FREM1: variants seen among roughly 807,000 people sequenced by gnomAD.
The protein encoded by FREM1 is FRAS1 related extracellular matrix 1.
FREM1 carries 220 observed loss-of-function variants against 210.1 expected under a neutral mutation model. The observed-to-expected ratio is 1.05, with a 90% CI of 0.94 to 1.17. The LOEUF (loss-of-function observed/expected upper bound fraction) is 1.17. Ranked by LOEUF, FREM1 falls within the 50% of genes most tolerant of loss-of-function variation. FREM1 has a pLI of 0.00. For missense variants in FREM1, 3,454 were observed against 2,675.5 expected (o/e 1.29, Z -6.42); for synonymous variants, 1,189 against 980.2 (o/e 1.21, Z -3.98).
intron 28 of FREM1, among the ~76,000 whole-genome samples, chr9:14,759,319 G>C (rs1191610880): frequency 6.6e-6 from 1 of 152,130 alleles, no homozygotes; most frequent in East Asian, 1.9e-4. Flanking sequence ...AGACCAGCCT[G>C]GCCAACATGG....
At chr9:14,892,777 G>A (rs1188587834) in intron 1 of FREM1, among the ~76,000 whole-genome samples, 1 of 152,100 alleles carries the variant, frequency 6.6e-6, no homozygotes, top group Non-Finnish European at 1.5e-5. Context: ...CAATGGGTGG[G>A]TCTTTCTCTG....
At chr9:14,780,664 C>G (rs1849518941) in intron 24 of FREM1, among the ~76,000 whole-genome samples, 1 of 152,088 alleles carries the variant, frequency 6.6e-6, no homozygotes, top group Non-Finnish European at 1.5e-5. Flanking sequence ...TTAAACTCCC[C>G]CATTTAATTA....
intron 26 of FREM1, 64 bp downstream of exon 26, chr9:14,770,541 C>G (rs1847347214): frequency 7.9e-6 from 10 of 1,261,170 alleles, no homozygotes; most frequent in Non-Finnish European, 1.2e-5. Flanking sequence ...TTAAATTACT[C>G]TCTAGCCCTG....
chr9:14,828,639 G>C (rs932051706), intron 10 of FREM1, among the ~76,000 whole-genome samples: 3 of 104,848 alleles, frequency 2.9e-5, no homozygotes, highest in Non-Finnish European at 5.8e-5. Flanking sequence ...AAATTGTGGC[G>C]GGGCGGGGGA....
intron 2 of FREM1, among the ~76,000 whole-genome samples, chr9:14,867,981 T>C (rs1588481340): frequency 6.6e-6 from 1 of 152,198 alleles, no homozygotes; most frequent in Non-Finnish European, 1.5e-5. Context: ...GACAATAGAA[T>C]ACCCTTAAAT....
chr9:14,748,862 T>A (rs1842888673), intron 30 of FREM1, among the ~76,000 whole-genome samples: 1 of 152,190 alleles, frequency 6.6e-6, no homozygotes, highest in Non-Finnish European at 1.5e-5. Flanking sequence ...TATAAAGTCA[T>A]GAAATCAATT....
At position 14,859,476 on chromosome 9, in the gene FREM1, T is replaced by C. The variant is rs563306916; in HGVS notation, c.338A>G (p.Glu113Gly). 8 of 1,611,820 alleles carry C rather than the reference T, an allele frequency of 5.0e-6. No individual in the cohort carries two copies. Among genetic ancestry groups the C allele is most frequent in the Non-Finnish European group, 5.9e-6 (7 of 1,178,598 alleles). ...AAAAGTTTCTATGAAGGTATCTCTTTCAGTAAATCTGTGGAGAACACAGGG... is the reference window on the plus strand; with the variant it reads ...AAAAGTTTCTATGAAGGTATCTCTTCCAGTAAATCTGTGGAGAACACAGGG... ...TVKLRLYRFT[E>G]RDTFIETFIL... Residue 113 changes from glutamate to glycine, a missense_variant, in exon 4 of 37, where the codon GAA becomes GGA. By Grantham distance (98) the Glu-to-Gly change is moderately conservative. Coordinates refer to ENST00000380880, the MANE Select transcript of FREM1 (RefSeq NM_001379081.2).
At chr9:14,885,312 T>A (rs1297864805) in intron 1 of FREM1, among the ~76,000 whole-genome samples, 2 of 152,156 alleles carry the variant, frequency 1.3e-5, no homozygotes, top group Non-Finnish European at 2.9e-5. Context: ...ATTTTTGTCT[T>A]CCCCAGGCTT....
chr9:14,769,085 C>T (rs1229680107), intron 27 of FREM1, among the ~76,000 whole-genome samples: 5 of 152,096 alleles, frequency 3.3e-5, no homozygotes, highest in Non-Finnish European at 7.4e-5. Flanking sequence ...AGAGTAGGGA[C>T]CCAGTCAGTG....
At chr9:14,880,106 C>T (rs7862066) in intron 1 of FREM1, among the ~76,000 whole-genome samples, 76,501 of 151,802 alleles carry the variant, frequency 0.5, 22,084 homozygotes, top group African/African-American at 0.79. Context: ...ACTCTCTCTC[C>T]GGCCATGTGA....
intron 1 of FREM1, among the ~76,000 whole-genome samples, chr9:14,893,911 T>G (rs1475182593): frequency 1.3e-5 from 2 of 152,214 alleles, no homozygotes; most frequent in African/African-American, 4.8e-5. Flanking sequence ...TAATCAGTTT[T>G]TCTATAAATT....
rs147624120 is a variant in FREM1, at chr9:14,875,163, G to A, written c.-267-5919C>T. Among the ~76,000 whole-genome samples the A allele has an allele frequency of 4.0e-3, 602 of 152,156 alleles. 4 individuals are homozygous for A. Among genetic ancestry groups the A allele is most frequent in the African/African-American group, 0.013 (556 of 41,492 alleles). On this transcript the variant is annotated intron_variant, in intron 1 of 36. Coordinates refer to ENST00000380880, the MANE Select transcript of FREM1 (RefSeq NM_001379081.2). ...TACGTGTCTTGGAGTTGCTCTTCTC[G>A]AGGAGTATCTTTGTGGTGTTCTCTT...
rs1284674089 is a variant in FREM1, at chr9:14,812,976, G to A, written c.2729C>T (p.Thr910Ile). 1.9e-6 allele frequency: 3 copies of A among 1,613,952 alleles called. No individual in the cohort carries two copies. Among genetic ancestry groups the A allele is most frequent in the East Asian group, 2.2e-5 (1 of 44,882 alleles). ...ATCAGTAGCAAAAATGTATTCAGAG[G>A]TGATGACCACCTCTCCTCCCTCTGA... ...NCSEGGEVVITSEYIFATDVD... is the reference protein window; with the variant it reads ...NCSEGGEVVIISEYIFATDVD... Residue 910 changes from threonine (T) to isoleucine (I), a missense_variant, in exon 16 of 37, where the codon ACC (threonine) becomes ATC (isoleucine). Transcript: ENST00000380880.
intron 1 of FREM1, among the ~76,000 whole-genome samples, chr9:14,883,726 A>T (rs994828847): frequency 6.6e-6 from 1 of 152,032 alleles, no homozygotes; most frequent in Non-Finnish European, 1.5e-5. Context: ...GAAAAACAAC[A>T]CTCTAATGGG....
At chr9:14,876,621 T>C (rs574357721) in intron 1 of FREM1, among the ~76,000 whole-genome samples, 1 of 152,262 alleles carries the variant, frequency 6.6e-6, no homozygotes, top group East Asian at 1.9e-4. Flanking sequence ...CCCTGATCCC[T>C]TGCGCTTCCC....
chr9:14,884,398 T>C (rs1025700558), intron 1 of FREM1, among the ~76,000 whole-genome samples: 3 of 152,198 alleles, frequency 2.0e-5, no homozygotes, highest in African/African-American at 7.2e-5. Flanking sequence ...TACATGGTAA[T>C]CATGTATTCT....
At chr9:14,763,858 G>T (rs1039593902) in intron 27 of FREM1, among the ~76,000 whole-genome samples, 7 of 152,108 alleles carry the variant, frequency 4.6e-5, no homozygotes, top group African/African-American at 1.7e-4. Context: ...TGATAACCCA[G>T]GTGTCTTGTA....
chr9:14,903,320 A>G (rs1839111853), intron 1 of FREM1, among the ~76,000 whole-genome samples: 1 of 152,224 alleles, frequency 6.6e-6, no homozygotes, highest in Non-Finnish European at 1.5e-5. Flanking sequence ...AAAGAAAATT[A>G]TGAAGAATGA....
chr9:14,895,160 T>C (rs1837487925), intron 1 of FREM1, among the ~76,000 whole-genome samples: 1 of 152,142 alleles, frequency 6.6e-6, no homozygotes, highest in South Asian at 2.1e-4. Flanking sequence ...AAAGTCTTAT[T>C]TGAGATTCCT....
Sources: allele counts gnomAD v4.1 joint callset (sites outside exome capture counted in the v4.1 genomes callset), GRCh38; gene constraint gnomAD v4.1.1; transcripts MANE v1.5; gene names NCBI Gene and HGNC (gene_info 2026-07-23, HGNC 2026-07-21).